Variants in TRPM6 observed in about 807,000 individuals in gnomAD.
TRPM6 encodes the protein transient receptor potential cation channel subfamily M member 6, also known as channel kinase 2.
A neutral mutation model predicts 247.6 loss-of-function variants in TRPM6; 111 were observed. That is an observed-to-expected ratio of 0.45 (90% confidence interval 0.38 to 0.52). The LOEUF is 0.52. Ranked by LOEUF, TRPM6 falls within the 20% of genes least tolerant of loss-of-function variation. The pLI, the probability that TRPM6 is intolerant of heterozygous loss-of-function variation, is 0.00. For synonymous variants in TRPM6, 892 were observed against 853.8 expected (o/e 1.04, Z -0.78); for missense variants, 2,126 against 2,421.5 (o/e 0.88, Z 2.56).
intron 32 of TRPM6, among the ~76,000 whole-genome samples, chr9:74,743,219 T>C (rs1412662112): frequency 6.6e-6 from 1 of 152,196 alleles, no homozygotes; most frequent in Middle Eastern, 3.2e-3. Flanking sequence ...GACTCAGTTG[T>C]AAGAGCCTGG....
intron 3 of TRPM6, among the ~76,000 whole-genome samples, chr9:74,853,017 C>G (rs1830395920): frequency 6.6e-6 from 1 of 152,142 alleles, no homozygotes; most frequent in South Asian, 2.1e-4. Context: ...AGCGTCTCTG[C>G]CCGGCCCCCC....
rs1011010799 is a variant in TRPM6 at position 74,771,185 on chromosome 9, G to C, written c.3536+518C>G. ...CTCGCCCACTGCCTCACTTCTTTCA[G>C]GCCTCCACTCAATGCCCTCAGAGCG... On this transcript the variant is annotated intron_variant, in intron 25 of 38. Coordinates refer to ENST00000360774, the MANE Select transcript of TRPM6 (RefSeq NM_017662.5). 3.9e-5 allele frequency among the ~76,000 whole-genome samples: 6 copies of C among 152,266 alleles called. 1 individual carries two copies. The South Asian group carries it at 1.0e-3, about 26-fold the overall frequency.
At chr9:74,792,599 C>T (rs760545236) in intron 19 of TRPM6, 25 bp downstream of exon 19, 20 of 1,609,872 alleles carry the variant, frequency 1.2e-5, no homozygotes, top group African/African-American at 5.3e-5. Flanking sequence ...ATTAATCCGA[C>T]ATATATTGTT....
In TRPM6 at chr9:74,820,623, C is replaced by T. The variant is rs576248338; in HGVS notation, c.1011-196G>A. Among the ~76,000 whole-genome samples the T allele has an allele frequency of 3.7e-3, 568 of 152,162 alleles. 3 individuals are homozygous for T. The highest frequency in any genetic ancestry group is 6.1e-3 in the Non-Finnish European group (417 of 68,008). On this transcript the variant is annotated intron_variant, in intron 8 of 38. Coordinates refer to ENST00000360774, the MANE Select transcript of TRPM6 (RefSeq NM_017662.5). ...CTGAATTTGAAAGTGGGAATGGAGC[C>T]GGGCATGATGGCTCACACCTGTAAT...
At chr9:74,816,239 T>G (rs892307012) in intron 11 of TRPM6, among the ~76,000 whole-genome samples, 3 of 151,936 alleles carry the variant, frequency 2.0e-5, no homozygotes, top group Admixed American at 2.0e-4. Context: ...CATGGTGGCA[T>G]GCGCCTGTGG....
intron 21 of TRPM6, among the ~76,000 whole-genome samples, chr9:74,784,692 A>G (rs938652968): frequency 1.3e-5 from 2 of 152,228 alleles, no homozygotes; most frequent in African/African-American, 4.8e-5. Context: ...TCCTAATCAA[A>G]AGGGTAAGCT....
At chr9:74,874,046 G>C (rs995766477) in intron 1 of TRPM6, among the ~76,000 whole-genome samples, 3 of 151,944 alleles carry the variant, frequency 2.0e-5, no homozygotes, top group Non-Finnish European at 4.4e-5. Context: ...GACCAGCCTG[G>C]ACAACATGGA....
intron 14 of TRPM6, chr9:74,804,648 TCCTCTGTGACTATTCAG>T (rs1828469940): frequency 6.7e-6 from 5 of 749,234 alleles, no homozygotes; most frequent in Non-Finnish European, 1.2e-5. Flanking sequence ...CATGAAGGTG[TCCTCTGTGACTATTCAG>T]CAGTTCCCTA....
At chr9:74,785,689 A>T (rs1189149321) in intron 21 of TRPM6, among the ~76,000 whole-genome samples, 185 bp downstream of exon 21, 2 of 151,966 alleles carry the variant, frequency 1.3e-5, no homozygotes, top group East Asian at 1.9e-4. Context: ...TGCCCGGCTA[A>T]TTTTTTTGTA....
At position 74,762,094 on chromosome 9, in the gene TRPM6, C is replaced by T; in HGVS notation, c.4577G>A (p.Trp1526Ter). Reference sequence around the variant, plus strand: ...CCTGTATCTGCGGAGAGGATTGATCCAAAAGGATGTGTTTGGCTGAAGCCA... The same window carrying T: ...CCTGTATCTGCGGAGAGGATTGATCTAAAAGGATGTGTTTGGCTGAAGCCA... ...GPWLQPNTSF[W>*]INPLRRYRPF... Residue 1526 changes from tryptophan to a stop codon, truncating the protein, a stop_gained, in exon 26 of 39, where the codon TGG (tryptophan) becomes TAG (stop). Coordinates refer to ENST00000360774, the MANE Select transcript of TRPM6 (RefSeq NM_017662.5). LOFTEE classifies it high-confidence loss of function. 1 of 1,614,132 alleles carries T rather than the reference C, an allele frequency of 6.2e-7. No individual in the cohort carries two copies. Among genetic ancestry groups the T allele is most frequent in the Non-Finnish European group, 8.5e-7 (1 of 1,180,018 alleles).
chr9:74,778,115 G>A (rs1232983219), intron 23 of TRPM6, among the ~76,000 whole-genome samples: 3 of 152,142 alleles, frequency 2.0e-5, no homozygotes, highest in Non-Finnish European at 4.4e-5. Context: ...GCCGAGTGTC[G>A]GTGCTGCATT....
At position 74,794,261 on chromosome 9, in the gene TRPM6, A is replaced by G. The variant is rs555572113; in HGVS notation, c.2392-1491T>C. On this transcript the variant is annotated intron_variant, in intron 18 of 38. Transcript: ENST00000360774. ...TAGTCCATTCTTGCAACGTAGCCAC[A>G]AAAGTTATCTCTTTAATGTCAGACC... Among the ~76,000 whole-genome samples the G allele has an allele frequency of 3.9e-5, 6 of 152,358 alleles. No homozygotes were observed. The East Asian group carries it at 7.7e-4, about 20-fold the overall frequency.
chr9:74,832,373 A>T (rs1256688987), intron 6 of TRPM6, among the ~76,000 whole-genome samples: 1 of 152,208 alleles, frequency 6.6e-6, no homozygotes, highest in Non-Finnish European at 1.5e-5. Context: ...TGGATAATGA[A>T]ATCAAATCAC....
intron 2 of TRPM6, chr9:74,857,823 T>G (rs1049269859): frequency 6.6e-6 from 1 of 152,230 alleles, no homozygotes; most frequent in Non-Finnish European, 1.5e-5. Context: ...TACCTGTTCA[T>G]CTAATCTGGG....
At chr9:74,864,725 G>C (rs1299562427) in intron 1 of TRPM6, among the ~76,000 whole-genome samples, 1 of 152,176 alleles carries the variant, frequency 6.6e-6, no homozygotes, top group African/African-American at 2.4e-5. Context: ...CTGAGTAGTT[G>C]AGAAATTTTA....
intron 15 of TRPM6, 102 bp downstream of exon 15, chr9:74,803,692 G>T: frequency 2.4e-6 from 2 of 846,684 alleles, no homozygotes; most frequent in South Asian, 1.3e-5. Context: ...ACTTATAAAT[G>T]GTCCCTCTAT....
intron 3 of TRPM6, among the ~76,000 whole-genome samples, chr9:74,852,898 C>T (rs923557642): frequency 1.3e-5 from 2 of 152,212 alleles, no homozygotes; most frequent in African/African-American, 2.4e-5. Flanking sequence ...ATTGCAGCCT[C>T]TGCCCAGCAG....
chr9:74,845,952 T>C (rs536611666), intron 3 of TRPM6, among the ~76,000 whole-genome samples: 2 of 152,138 alleles, frequency 1.3e-5, no homozygotes, highest in East Asian at 1.9e-4. Flanking sequence ...TAAGAGCCTC[T>C]CTGACATTTT....
intron 1 of TRPM6, among the ~76,000 whole-genome samples, chr9:74,868,272 A>G (rs1168337870): frequency 6.6e-6 from 1 of 151,032 alleles, no homozygotes; most frequent in Non-Finnish European, 1.5e-5. Context: ...AGGCAGGTGG[A>G]TCACCTGAGG....
Sources: gnomAD v4.1 joint callset for allele counts (sites outside exome capture counted in the v4.1 genomes callset) on GRCh38, gnomAD v4.1.1 for gene constraint, MANE v1.5 for transcripts, NCBI Gene and HGNC (gene_info 2026-07-23, HGNC 2026-07-21) for gene names.